MYO9A: variants seen among roughly 807,000 people sequenced by gnomAD.
MYO9A encodes the protein myosin IXA, also known as unconventional myosin-IXa.
A neutral mutation model predicts 293.3 loss-of-function variants in MYO9A; 103 were observed. The observed-to-expected ratio is 0.35, with a 90% CI of 0.30 to 0.41. The LOEUF is 0.41. MYO9A is among the 10% of genes least tolerant of loss of function. The pLI is 1.00. For missense variants in MYO9A, 2,685 were observed against 3,033.0 expected, an observed-to-expected ratio of 0.89 and a Z score of 2.69; for synonymous variants, 1,001 against 1,035.7, an observed-to-expected ratio of 0.97 and a Z score of 0.64.
chr15:72,067,250 A>G (rs1044636903), intron 1 of MYO9A, among the ~76,000 whole-genome samples: 20 of 151,398 alleles, frequency 1.3e-4, no homozygotes, highest in Admixed American at 2.6e-4. Flanking sequence ...AATACCTGAG[A>G]AAAGTACAAA....
At chr15:71,861,658 C>A (rs1455783630) in intron 33 of MYO9A, among the ~76,000 whole-genome samples, 1 of 138,030 alleles carries the variant, frequency 7.2e-6, no homozygotes, top group African/African-American at 2.8e-5. Context: ...TGTGCCATCA[C>A]CGTTTTAGGC....
Position 72,101,930 on chromosome 15 carries a change from C to T in MYO9A, c.-72+15750G>A, listed in dbSNP as rs1393180944. ...GAGGTGAGGGGCGCCTCTGCCCGGC[C>T]GCCCCTACTGGGAAGTGAGGAGCCC... On this transcript the variant is annotated intron_variant, in intron 1 of 41. Coordinates refer to ENST00000356056, the MANE Select transcript of MYO9A (RefSeq NM_006901.4). Among the ~76,000 whole-genome samples the T allele has an allele frequency of 1.1e-4, 17 of 152,208 alleles. No homozygotes were observed. The East Asian group carries it at 2.1e-3, about 19-fold the overall frequency.
chr15:71,992,934 T>A (rs2076581969), intron 10 of MYO9A, among the ~76,000 whole-genome samples: 1 of 150,576 alleles, frequency 6.6e-6, no homozygotes. Context: ...TGCAAAAAAA[T>A]TACAACATAA....
At position 71,994,601 on chromosome 15, in the gene MYO9A, A is replaced by T; in HGVS notation, c.1471-16T>A. On this transcript the variant is annotated splice_polypyrimidine_tract_variant and intron_variant, in intron 9 of 41. Coordinates refer to ENST00000356056, the MANE Select transcript of MYO9A (RefSeq NM_006901.4). ...CTGTCACAGCCTGAAAAACAAAAGCATTACAAGTGCATGTAGAATTGACAA... is the reference window on the plus strand; with the variant it reads ...CTGTCACAGCCTGAAAAACAAAAGCTTTACAAGTGCATGTAGAATTGACAA... The T allele has an allele frequency of 6.8e-7, 1 of 1,468,132 alleles. No homozygotes were observed. Among genetic ancestry groups the T allele is most frequent in the Non-Finnish European group, 9.4e-7 (1 of 1,067,916 alleles). 90.9% of individuals were successfully genotyped at this position (1,468,132 alleles called of 1,614,324 possible).
In MYO9A at chr15:71,938,861, T is replaced by A; in HGVS notation, c.2369A>T (p.Lys790Ile). 1 of 1,609,264 alleles carries A rather than the reference T, an allele frequency of 6.2e-7. No individual in the cohort carries two copies. The highest frequency in any genetic ancestry group is 8.5e-7 in the Non-Finnish European group (1 of 1,177,812). ...AACCAAACACACTTACTGTTGGTTT[T>A]TTTCATTTAGAGCATTCATGCCCTG... ...DLQGMNALNE[K>I]NQHDTFDIAW... Residue 790 changes from lysine to isoleucine, a missense_variant, in exon 16 of 42, where the codon AAA becomes ATA. This residue lies in a region of MYO9A where 1,434 missense variants were observed against 1,497.7 expected (regional missense o/e 0.96). Transcript: ENST00000356056.
chr15:71,928,058 T>TATATATATA (rs2058373166), intron 18 of MYO9A, among the ~76,000 whole-genome samples: 6 of 3,716 alleles, frequency 1.6e-3, no homozygotes, highest in African/African-American at 2.5e-3. Flanking sequence ...ATATATATAT[T>TATATATATA]TTTTTTTTTT....
chr15:72,000,509 T>C (rs2076832400), intron 8 of MYO9A, among the ~76,000 whole-genome samples: 1 of 152,264 alleles, frequency 6.6e-6, no homozygotes, highest in Admixed American at 6.5e-5. Flanking sequence ...TTTCAGTTAA[T>C]ATTTCTACAC....
chr15:72,065,524 A>G (rs1205332049), intron 1 of MYO9A, among the ~76,000 whole-genome samples: 1 of 151,876 alleles, frequency 6.6e-6, no homozygotes, highest in Non-Finnish European at 1.5e-5. Context: ...TCAAAAAAAA[A>G]AAAAAAAAGA....
intron 19 of MYO9A, among the ~76,000 whole-genome samples, chr15:71,912,709 T>G (rs1053809845): frequency 6.6e-6 from 1 of 152,250 alleles, no homozygotes; most frequent in Non-Finnish European, 1.5e-5. Flanking sequence ...ATAAATTCTC[T>G]CAGCTTTTTT....
intron 1 of MYO9A, among the ~76,000 whole-genome samples, chr15:72,053,408 A>C (rs1439733496): frequency 6.6e-6 from 1 of 151,678 alleles, no homozygotes; most frequent in Non-Finnish European, 1.5e-5. Flanking sequence ...TCCGTCTCAA[A>C]GAAAAAAAAA....
chr15:72,116,095 T>C (rs1202076755), intron 1 of MYO9A, among the ~76,000 whole-genome samples: 1 of 152,222 alleles, frequency 6.6e-6, no homozygotes, highest in Non-Finnish European at 1.5e-5. Context: ...TAGGTTTATA[T>C]ATTGGAAATA....
At chr15:71,938,821 G>C (rs373074858) in intron 16 of MYO9A, 31 bp downstream of exon 16, 2 of 1,525,864 alleles carry the variant, frequency 1.3e-6, no homozygotes, top group South Asian at 2.4e-5. Flanking sequence ...TCTTCTATAC[G>C]TCCTTGAAAA....
chr15:72,105,401 T>A (rs2080530662), intron 1 of MYO9A, among the ~76,000 whole-genome samples: 1 of 152,076 alleles, frequency 6.6e-6, no homozygotes, highest in Non-Finnish European at 1.5e-5. Context: ...TTCTTTTGTT[T>A]GTTTTGGTAG....
chr15:71,825,200 T>C lies in MYO9A; in HGVS notation c.*1380A>G, dbSNP rs1289425064. Reference sequence around the variant, plus strand: ...ATACTTAAAATGCTATTATAACTCATGTGTATGAAGACCACCCAGTGGTGA... The same window carrying C: ...ATACTTAAAATGCTATTATAACTCACGTGTATGAAGACCACCCAGTGGTGA... On this transcript the variant is annotated 3_prime_UTR_variant, in exon 42 of 42. Transcript: ENST00000356056. 6.6e-6 allele frequency: 1 copy of C among 152,202 alleles called. No individual in the cohort carries two copies. The highest frequency in any genetic ancestry group is 1.5e-5 in the Non-Finnish European group (1 of 68,038). The allele number at this position is 152,202 out of a possible 1,614,324, so 9.4% of individuals were successfully genotyped here. A position where few individuals can be genotyped will look rare whatever the true frequency, so the allele number is the denominator to read the frequency against.
At chr15:72,086,754 T>TTCTG (rs1567025453) in intron 1 of MYO9A, among the ~76,000 whole-genome samples, 1 of 11,136 alleles carries the variant, frequency 9.0e-5, no homozygotes, top group Non-Finnish European at 3.2e-3. Flanking sequence ...GTTTTGTTTT[T>TTCTG]TTTGTTGTTT....
chr15:71,864,791 A>G (rs1005871546), intron 32 of MYO9A, among the ~76,000 whole-genome samples: 2 of 152,156 alleles, frequency 1.3e-5, no homozygotes, highest in Non-Finnish European at 2.9e-5. Flanking sequence ...AGAAACAGAA[A>G]GTAGAGTAAT....
rs117592753 is a variant in MYO9A at position 72,104,397 on chromosome 15, T to C, written c.-72+13283A>G. 3.5e-3 allele frequency among the ~76,000 whole-genome samples: 531 copies of C among 152,328 alleles called. 4 individuals are homozygous for C. The highest frequency in any genetic ancestry group is 0.014 in the Middle Eastern group (4 of 294). On this transcript the variant is annotated intron_variant, in intron 1 of 41. Transcript: ENST00000356056. The stretch of plus-strand genomic sequence containing the variant: ...CACTGTAAGTAAGGAAGCATCAGTA[T>C]ATGAATGAAAAGGAAAAATAACAAC...
intron 18 of MYO9A, among the ~76,000 whole-genome samples, chr15:71,928,223 G>A (rs1174136097): frequency 6.9e-6 from 1 of 145,508 alleles, no homozygotes; most frequent in Non-Finnish European, 1.5e-5. Flanking sequence ...GACTACAGGC[G>A]CCCGCCACTA....
At chr15:72,005,237 A>G (rs2076982259) in intron 8 of MYO9A, among the ~76,000 whole-genome samples, 1 of 152,214 alleles carries the variant, frequency 6.6e-6, no homozygotes, top group East Asian at 1.9e-4. Flanking sequence ...TTTTCTGTCA[A>G]ATCATATTTG....
Sources: allele counts gnomAD v4.1 joint callset (sites outside exome capture counted in the v4.1 genomes callset), GRCh38; gene constraint gnomAD v4.1.1; regional missense constraint gnomAD v4.1.1; transcripts MANE v1.5; gene names NCBI Gene and HGNC (gene_info 2026-07-23, HGNC 2026-07-21).